NRG3: variants seen among roughly 807,000 people sequenced by gnomAD.
NRG3 encodes the protein neuregulin 3, also known as pro-neuregulin-3, membrane-bound isoform.
Under a neutral mutation model 66.9 loss-of-function variants are expected in NRG3, and 31 were observed. The ratio of observed to expected loss-of-function variants is 0.46; its 90% confidence interval spans 0.35 to 0.63. The LOEUF (loss-of-function observed/expected upper bound fraction) is 0.63, where lower values mean the gene tolerates loss of function less well. Ranked by LOEUF, NRG3 falls within the 20% of genes least tolerant of loss-of-function variation. The pLI is 0.00. For synonymous variants in NRG3, 393 were observed against 359.4 expected (o/e 1.09, Z -1.06); for missense variants, 910 against 878.9 (o/e 1.04, Z -0.45).
At chr10:82,433,750 G>A in intron 2 of NRG3, among the ~76,000 whole-genome samples, 1 of 152,296 alleles carries the variant, frequency 6.6e-6, no homozygotes, top group Non-Finnish European at 1.5e-5. Flanking sequence ...TTGAAGATCA[G>A]ATGGTTGTAG....
At chr10:82,121,947 T>G (rs1220521832) in intron 1 of NRG3, among the ~76,000 whole-genome samples, 3 of 152,182 alleles carry the variant, frequency 2.0e-5, no homozygotes, top group Non-Finnish European at 4.4e-5. Context: ...CTGTGCTTAC[T>G]TCATGTGACT....
intron 4 of NRG3, among the ~76,000 whole-genome samples, chr10:82,876,388 G>T (rs970875460): frequency 6.6e-6 from 1 of 152,134 alleles, no homozygotes; most frequent in African/African-American, 2.4e-5. Flanking sequence ...CTAGTTGAAG[G>T]ATCAAGACCA....
intron 2 of NRG3, among the ~76,000 whole-genome samples, chr10:82,532,878 A>G (rs1361824299): frequency 6.6e-6 from 1 of 151,034 alleles, no homozygotes; most frequent in African/African-American, 2.4e-5. Context: ...ACCACTTTGC[A>G]TTTCCATGAA....
chr10:81,944,206 C>T lies in NRG3; in HGVS notation c.823+68043C>T, dbSNP rs143527387. On this transcript the variant is annotated intron_variant, in intron 1 of 8. Coordinates refer to ENST00000372141, the MANE Select transcript of NRG3 (RefSeq NM_001010848.4). Reference sequence around the variant, plus strand: ...CAAAAAGAAATCCACATGGCATGCCCAAGGGCAAGCGTCAGAAGAGACAAC... The same window carrying T: ...CAAAAAGAAATCCACATGGCATGCCTAAGGGCAAGCGTCAGAAGAGACAAC... 2.6e-4 allele frequency among the ~76,000 whole-genome samples: 39 copies of T among 152,326 alleles called. 2 individuals carry two copies. The highest frequency in any genetic ancestry group is 8.4e-4 in the African/African-American group (35 of 41,582).
chr10:81,898,861 T>C (rs566045772), intron 1 of NRG3, among the ~76,000 whole-genome samples: 1 of 152,348 alleles, frequency 6.6e-6, no homozygotes, highest in Non-Finnish European at 1.5e-5. Flanking sequence ...TTTAAAGTTA[T>C]GTATAACTGT....
chr10:82,377,096 A>G (rs905603118), intron 2 of NRG3, among the ~76,000 whole-genome samples: 3 of 152,108 alleles, frequency 2.0e-5, no homozygotes, highest in South Asian at 2.1e-4. Context: ...TGATTGATGT[A>G]TATTTTTTAT....
At chr10:82,848,808 C>A (rs7091844) in intron 3 of NRG3, among the ~76,000 whole-genome samples, 2 of 152,112 alleles carry the variant, frequency 1.3e-5, no homozygotes, top group African/African-American at 4.8e-5. Flanking sequence ...ATAAGTCTCA[C>A]GAGATCTGAG....
At chr10:82,510,123 C>T (rs1234413543) in intron 2 of NRG3, among the ~76,000 whole-genome samples, 1 of 152,044 alleles carries the variant, frequency 6.6e-6, no homozygotes, top group African/African-American at 2.4e-5. Context: ...TACCAAACTC[C>T]TCCATACCTC....
intron 1 of NRG3, among the ~76,000 whole-genome samples, chr10:81,978,513 T>G (rs2133437040): frequency 6.6e-6 from 1 of 152,120 alleles, no homozygotes; most frequent in Admixed American, 6.6e-5. Flanking sequence ...AAAAAGAAAG[T>G]TTGTTTTTAA....
chr10:82,600,361 T>C (rs2047543823), intron 2 of NRG3, among the ~76,000 whole-genome samples: 1 of 152,258 alleles, frequency 6.6e-6, no homozygotes, highest in Admixed American at 6.5e-5. Context: ...TTCCTTACCC[T>C]ATTTCAAACA....
At chr10:82,436,986 A>T (rs1218323279) in intron 2 of NRG3, among the ~76,000 whole-genome samples, 1 of 151,766 alleles carries the variant, frequency 6.6e-6, no homozygotes, top group Non-Finnish European at 1.5e-5. Context: ...CTTCATTTTA[A>T]CCTTGGAGAA....
intron 2 of NRG3, among the ~76,000 whole-genome samples, chr10:82,420,022 A>G (rs185080227): frequency 6.6e-5 from 10 of 152,262 alleles, no homozygotes; most frequent in African/African-American, 1.4e-4. Context: ...GTCTCTCTAC[A>G]TATTTTTCTT....
intron 1 of NRG3, among the ~76,000 whole-genome samples, chr10:82,103,954 A>G (rs571228128): frequency 6.0e-5 from 9 of 151,174 alleles, no homozygotes; most frequent in Non-Finnish European, 1.2e-4. Flanking sequence ...GCGATCTACT[A>G]GAAAGATTTT....
chr10:82,772,954 C>T (rs1028790771), intron 3 of NRG3, among the ~76,000 whole-genome samples: 8 of 152,034 alleles, frequency 5.3e-5, no homozygotes, highest in African/African-American at 1.7e-4. Context: ...ATCCTTTTAC[C>T]TCAGCTTCCT....
intron 1 of NRG3, among the ~76,000 whole-genome samples, chr10:82,028,878 G>A (rs2062436161): frequency 6.6e-6 from 1 of 152,058 alleles, no homozygotes; most frequent in Non-Finnish European, 1.5e-5. Context: ...CTGAGAATCA[G>A]CACGGTTTGG....
intron 2 of NRG3, among the ~76,000 whole-genome samples, chr10:82,662,651 A>G (rs770262856): frequency 2.0e-5 from 3 of 152,168 alleles, no homozygotes; most frequent in Non-Finnish European, 4.4e-5. Flanking sequence ...CAGCTACTGC[A>G]CTAGCATTTT....
At chr10:81,984,098 G>A (rs966512678) in intron 1 of NRG3, among the ~76,000 whole-genome samples, 1 of 152,116 alleles carries the variant, frequency 6.6e-6, no homozygotes, top group Non-Finnish European at 1.5e-5. Flanking sequence ...CTAAAAAGCA[G>A]GGAAAGAGTC....
chr10:82,984,308 G>T (rs1413135360), intron 8 of NRG3, among the ~76,000 whole-genome samples: 1 of 152,172 alleles, frequency 6.6e-6, no homozygotes. Flanking sequence ...AATGACTTGT[G>T]ATGGCATATT....
At chr10:82,321,749 T>C (rs1273312342) in intron 1 of NRG3, among the ~76,000 whole-genome samples, 1 of 152,238 alleles carries the variant, frequency 6.6e-6, no homozygotes, top group African/African-American at 2.4e-5. Context: ...TCTATGGAGA[T>C]AACATTTTGA....
Sources: gnomAD v4.1 joint callset for allele counts (sites outside exome capture counted in the v4.1 genomes callset) on GRCh38, gnomAD v4.1.1 for gene constraint, MANE v1.5 for transcripts, NCBI Gene and HGNC (gene_info 2026-07-23, HGNC 2026-07-21) for gene names.